Variants in DOC2A observed in about 807,000 individuals in gnomAD.
DOC2A encodes double C2-like domain-containing protein alpha.
Under a neutral mutation model 40.6 loss-of-function variants are expected in DOC2A, and 28 were observed. The observed-to-expected ratio is 0.69, with a 90% CI of 0.51 to 0.95. The LOEUF is 0.95. Among genes scored for constraint, DOC2A ranks in the 40% least tolerant of loss-of-function variants. DOC2A has a pLI of 0.00. For synonymous variants in DOC2A, 241 were observed against 236.9 expected, an observed-to-expected ratio of 1.02 and a Z score of -0.16; for missense variants, 474 against 552.5, an observed-to-expected ratio of 0.86 and a Z score of 1.42.
Position 30,009,866 on chromosome 16 carries a change from A to C in DOC2A, c.262+95T>G, listed in dbSNP as rs2150956483. On this transcript the variant is annotated intron_variant, in intron 2 of 10. Coordinates refer to ENST00000350119, the MANE Select transcript of DOC2A (RefSeq NM_003586.3). This position sits in a 1 kb window ranked among gnomAD's most constrained non-coding sequence, Gnocchi z 4.1. Reference sequence around the variant, plus strand: ...CCCACTGCCCTCCTCCCCTACCTACATGCACAGCCAGCAGGGCCCATCCCC... The same window carrying C: ...CCCACTGCCCTCCTCCCCTACCTACCTGCACAGCCAGCAGGGCCCATCCCC... 7.4e-7 allele frequency: 1 copy of C among 1,348,196 alleles called. No homozygotes were observed. The highest frequency in any genetic ancestry group is 1.0e-6 in the Non-Finnish European group (1 of 954,566). 83.5% of individuals were successfully genotyped at this position (1,348,196 alleles called of 1,614,324 possible).
At position 30,009,316 on chromosome 16, in the gene DOC2A, C is replaced by T. The variant is rs756981220; in HGVS notation, c.343-40G>A. 30 of 1,530,536 alleles carry T rather than the reference C, an allele frequency of 2.0e-5. No homozygotes were observed. Among genetic ancestry groups the T allele is most frequent in the Non-Finnish European group, 2.6e-5 (29 of 1,129,070 alleles). 94.8% of individuals were successfully genotyped at this position (1,530,536 alleles called of 1,614,324 possible). A position where few individuals can be genotyped will look rare whatever the true frequency, so the allele number is the denominator to read the frequency against. Reference sequence around the variant, plus strand: ...AGGGGAGAGGGCTAGAGGCTCCCGGCACCTCTCTCCATCCCTCTTGTAGAG... The same window carrying T: ...AGGGGAGAGGGCTAGAGGCTCCCGGTACCTCTCTCCATCCCTCTTGTAGAG... On this transcript the variant is annotated intron_variant, in intron 3 of 10. Transcript: ENST00000350119. This position sits in a 1 kb window ranked among gnomAD's most constrained non-coding sequence, Gnocchi z 4.1.
chr16:30,005,918 G>A lies in DOC2A; in HGVS notation c.*268C>T, dbSNP rs986490753. The A allele has an allele frequency of 3.6e-6, 2 of 549,326 alleles. No homozygotes were observed. The highest frequency in any genetic ancestry group is 3.1e-5 in the East Asian group (1 of 31,794). 34.0% of individuals were successfully genotyped at this position (549,326 alleles called of 1,614,324 possible). On this transcript the variant is annotated 3_prime_UTR_variant, in exon 11 of 11. Transcript: ENST00000350119. The stretch of plus-strand genomic sequence containing the variant: ...GCAGGAGTGAGGAGCGCGGGGGCCT[G>A]GGGCCGGGCTCTGAGCACTGCCCGG...
At position 30,009,828 on chromosome 16, in the gene DOC2A, T is replaced by C. The variant is rs1299693188; in HGVS notation, c.262+133A>G. On this transcript the variant is annotated intron_variant, in intron 2 of 10. Transcript: ENST00000350119. This position sits in a 1 kb window ranked among gnomAD's most constrained non-coding sequence, Gnocchi z 4.1. ...ACGCTGACTGCAGCTGTGGTGGCCG[T>C]CCCTGCCACCCCCCCACTGCCCTCC... 3.7e-6 allele frequency: 4 copies of C among 1,094,592 alleles called. No homozygotes were observed. The highest frequency in any genetic ancestry group is 5.5e-6 in the Non-Finnish European group (4 of 733,188). The allele number at this position is 1,094,592 out of a possible 1,614,324, so 67.8% of individuals were successfully genotyped here.
upstream of DOC2A, chr16:30,023,223 GA>G (rs1181349112): frequency 1.4e-5 from 12 of 840,624 alleles, no homozygotes; most frequent in Admixed American, 4.3e-5. Flanking sequence ...CTCTTCTGAT[GA>G]GAGTGAGGGA....
upstream of DOC2A, among the ~76,000 whole-genome samples, chr16:30,014,592 G>A (rs1168448265): frequency 2.0e-5 from 3 of 151,250 alleles, no homozygotes; most frequent in Admixed American, 6.6e-5. Flanking sequence ...CCGAGATTGC[G>A]CCACTGCACT....
At chr16:30,021,288 C>A (rs1309739824) in exon 1 of DOC2A, 1 of 152,266 alleles carries the variant, frequency 6.6e-6, no homozygotes, top group Non-Finnish European at 1.5e-5. Context: ...TGAGCACGCA[C>A]CTTCGTTGTG....
At chr16:30,017,485 C>T (rs752314177) in intron 1 of DOC2A, among the ~76,000 whole-genome samples, 9 of 152,074 alleles carry the variant, frequency 5.9e-5, no homozygotes, top group Non-Finnish European at 1.0e-4. Flanking sequence ...AATTATATCC[C>T]TTGCAGCAAC....
intron 1 of DOC2A, among the ~76,000 whole-genome samples, chr16:30,017,774 T>A (rs1195424735): frequency 6.6e-6 from 1 of 151,758 alleles, no homozygotes. Context: ...CTGGCCAACA[T>A]GGCGAAACCC....
At position 30,009,511 on chromosome 16, in the gene DOC2A, G is replaced by A. The variant is rs771483290; in HGVS notation, c.309C>T (p.Ser103=). The change falls in exon 3 of 11, where the codon TCC becomes TCT. Residue 103 remains serine, a synonymous_variant. Transcript: ENST00000350119. This position sits in a 1 kb window ranked among gnomAD's most constrained non-coding sequence, Gnocchi z 4.1. Reference sequence around the variant, plus strand: ...TGAGGATGCTACAGTGCAGAGTGCAGGAGGCCCGGTCGTAGAGAAGGTCAA... The same window carrying A: ...TGAGGATGCTACAGTGCAGAGTGCAAGAGGCCCGGTCGTAGAGAAGGTCAA... ...LEFDLLYDRA[S]CTLHCSILRA... The A allele has an allele frequency of 1.5e-5, 23 of 1,551,474 alleles. No homozygotes were observed. The highest frequency in any genetic ancestry group is 2.7e-5 in the African/African-American group (2 of 73,034).
chr16:30,009,181 G>T lies in DOC2A; in HGVS notation c.417+21C>A, dbSNP rs556418417. ...GCTGGAGTCATGGGCTGGGCCGGGC[G>T]GGGCGAGAGGAGGCTGTTACCTTAC... is the stretch of plus-strand genomic sequence containing the variant. On this transcript the variant is annotated intron_variant, in intron 4 of 10. Transcript: ENST00000350119. This position sits in a 1 kb window ranked among gnomAD's most constrained non-coding sequence, Gnocchi z 4.1. 1 of 1,607,802 alleles carries T rather than the reference G, an allele frequency of 6.2e-7. No individual in the cohort carries two copies. The highest frequency in any genetic ancestry group is 8.5e-7 in the Non-Finnish European group (1 of 1,176,646).
In DOC2A at chr16:30,007,091, C is replaced by G; in HGVS notation, c.655-1G>C. The G allele has an allele frequency of 6.2e-7, 1 of 1,613,986 alleles. No homozygotes were observed. The highest frequency in any genetic ancestry group is 8.5e-7 in the Non-Finnish European group (1 of 1,179,984). On this transcript the variant is annotated splice_acceptor_variant, in intron 6 of 10. Transcript: ENST00000350119. LOFTEE classifies it high-confidence loss of function. The stretch of plus-strand genomic sequence containing the variant: ...CTGACATGGAAGAGGGGGACGCCAG[C>G]TGAGGGGGCAAAGAGAAGGTTCTGG...
chr16:30,009,903 C>A lies in DOC2A; in HGVS notation c.262+58G>T. Reference sequence around the variant, plus strand: ...CAGGGCCCATCCCCCTCTCCCCCCACCACGGCAAGCCTGGAGACCCCCACC... The same window carrying A: ...CAGGGCCCATCCCCCTCTCCCCCCAACACGGCAAGCCTGGAGACCCCCACC... On this transcript the variant is annotated intron_variant, in intron 2 of 10. Coordinates refer to ENST00000350119, the MANE Select transcript of DOC2A (RefSeq NM_003586.3). The surrounding 1 kb of genome is among the most constrained non-coding windows in gnomAD (Gnocchi z 4.1). 6.2e-7 allele frequency: 1 copy of A among 1,607,326 alleles called. No homozygotes were observed. Among genetic ancestry groups the A allele is most frequent in the Non-Finnish European group, 8.5e-7 (1 of 1,176,908 alleles).
rs776109722 is a variant in DOC2A, at chr16:30,006,541, C to G, written c.961-32G>C. On this transcript the variant is annotated intron_variant, in intron 9 of 10. Coordinates refer to ENST00000350119, the MANE Select transcript of DOC2A (RefSeq NM_003586.3). This position sits in a 1 kb window ranked among gnomAD's most constrained non-coding sequence, Gnocchi z 6.2. ...ACAAGGCCGGCCACCCGTTCGTGAG[C>G]CAGCTCCCCAGCCCCTCCCTGGCCT... 1 of 1,613,396 alleles carries G rather than the reference C, an allele frequency of 6.2e-7. No individual in the cohort carries two copies. Among genetic ancestry groups the G allele is most frequent in the Non-Finnish European group, 8.5e-7 (1 of 1,179,506 alleles).
upstream of DOC2A, among the ~76,000 whole-genome samples, chr16:30,021,870 A>ACCC (rs141039739): frequency 3.7e-5 from 5 of 133,556 alleles, no homozygotes; most frequent in African/African-American, 1.4e-4. Context: ...TCAGAGAGGA[A>ACCC]CCCCCCCCCC....
Position 30,006,092 on chromosome 16 carries a change from G to A in DOC2A, c.*94C>T. 7.2e-7 allele frequency: 1 copy of A among 1,392,708 alleles called. No homozygotes were observed. The highest frequency in any genetic ancestry group is 9.6e-7 in the Non-Finnish European group (1 of 1,036,586). The allele number at this position is 1,392,708 out of a possible 1,614,324, so 86.3% of individuals were successfully genotyped here. ...ACAAAAATAGGTAGTGCAGGGTGGG[G>A]GCAGCCCACCCTGTGTAAACGTGCA... On this transcript the variant is annotated 3_prime_UTR_variant, in exon 11 of 11. Transcript: ENST00000350119. This position sits in a 1 kb window ranked among gnomAD's most constrained non-coding sequence, Gnocchi z 6.2.
chr16:30,009,686 TG>T lies in DOC2A; in HGVS notation c.263-130del. On this transcript the variant is annotated intron_variant, in intron 2 of 10. Transcript: ENST00000350119. The surrounding 1 kb of genome is among the most constrained non-coding windows in gnomAD (Gnocchi z 4.1). ...GCGAGTGTGAGTGCAAGAGGCTGAG[TG>T]GGCCCATGCGTGTGTGCGTCTGGGT... The T allele has an allele frequency of 1.0e-6, 1 of 955,490 alleles. No individual in the cohort carries two copies. The highest frequency in any genetic ancestry group is 1.6e-6 in the Non-Finnish European group (1 of 616,224). 59.2% of individuals were successfully genotyped at this position (955,490 alleles called of 1,614,324 possible).
chr16:30,009,849 C>T lies in DOC2A; in HGVS notation c.262+112G>A. On this transcript the variant is annotated intron_variant, in intron 2 of 10. Transcript: ENST00000350119. This position sits in a 1 kb window ranked among gnomAD's most constrained non-coding sequence, Gnocchi z 4.1. Reference sequence around the variant, plus strand: ...GCCGTCCCTGCCACCCCCCCACTGCCCTCCTCCCCTACCTACATGCACAGC... The same window carrying T: ...GCCGTCCCTGCCACCCCCCCACTGCTCTCCTCCCCTACCTACATGCACAGC... 2.4e-6 allele frequency: 3 copies of T among 1,266,378 alleles called. No homozygotes were observed. 78.4% of individuals were successfully genotyped at this position (1,266,378 alleles called of 1,614,324 possible).
At chr16:30,016,040 TA>T (rs2070851555), upstream of DOC2A, among the ~76,000 whole-genome samples, 13 of 26,558 alleles carry the variant, frequency 4.9e-4, no homozygotes, top group Non-Finnish European at 3.5e-4. Context: ...TATATATATA[TA>T]TATATATATA....
rs1285116412 is a variant in DOC2A at position 30,010,879 on chromosome 16, G to A, written c.-14+24C>T. ...GCTTCCCCGCACCCTCACGCCCCCG[G>A]CCTGCCCAGCCCCCTGCACCTGCCT... On this transcript the variant is annotated intron_variant, in intron 1 of 10. Coordinates refer to ENST00000350119, the MANE Select transcript of DOC2A (RefSeq NM_003586.3). The surrounding 1 kb of genome is among the most constrained non-coding windows in gnomAD (Gnocchi z 4.2). 5.0e-5 allele frequency: 50 copies of A among 1,004,692 alleles called. No homozygotes were observed. The highest frequency in any genetic ancestry group is 5.9e-5 in the Non-Finnish European group (50 of 840,952). 62.2% of individuals were successfully genotyped at this position (1,004,692 alleles called of 1,614,324 possible).
Sources: gnomAD v4.1 joint callset for allele counts (sites outside exome capture counted in the v4.1 genomes callset) on GRCh38, gnomAD v4.1.1 for gene constraint, Gnocchi (gnomAD v3.1) non-coding constraint, MANE v1.5 for transcripts, NCBI Gene and HGNC (gene_info 2026-07-23, HGNC 2026-07-21) for gene names.